The following HUNK variants were observed in gnomAD, a reference collection of about 807,000 sequenced individuals.
HUNK encodes the protein hormonally up-regulated neu tumor-associated kinase.
HUNK carries 21 observed loss-of-function variants against 61.0 expected under a neutral mutation model. The observed-to-expected ratio is 0.34, with a 90% CI of 0.24 to 0.50. HUNK has a LOEUF of 0.50. Ranked by LOEUF, HUNK falls within the 20% of genes least tolerant of loss-of-function variation. The pLI is 0.98. For missense variants in HUNK, 772 were observed against 945.7 expected (o/e 0.82, Z 2.41); for synonymous variants, 371 against 386.1 (o/e 0.96, Z 0.46).
intron 9 of HUNK, among the ~76,000 whole-genome samples, chr21:31,992,957 C>A (rs1052972920): frequency 1.3e-5 from 2 of 152,122 alleles, no homozygotes; most frequent in African/African-American, 2.4e-5. Flanking sequence ...TCCTTAGACA[C>A]CAGTTACTAT....
At position 31,987,367 on chromosome 21, in the gene HUNK, A is replaced by T. The variant is rs73354673; in HGVS notation, c.1258-2762A>T. On this transcript the variant is annotated intron_variant, in intron 8 of 10. Coordinates refer to ENST00000270112, the MANE Select transcript of HUNK (RefSeq NM_014586.2). Reference sequence around the variant, plus strand: ...CGTGCTTTGCATGTCACTCATGAGGACCTCAAATAACAATGCAAACTTAGG... The same window carrying T: ...CGTGCTTTGCATGTCACTCATGAGGTCCTCAAATAACAATGCAAACTTAGG... 9.7e-3 allele frequency among the ~76,000 whole-genome samples: 1,482 copies of T among 152,260 alleles called. 27 individuals carry two copies. Among genetic ancestry groups the T allele is most frequent in the African/African-American group, 0.032 (1,328 of 41,524 alleles).
At chr21:31,982,822 GAGAC>G (rs1268965787) in intron 7 of HUNK, among the ~76,000 whole-genome samples, 2 of 151,844 alleles carry the variant, frequency 1.3e-5, no homozygotes, top group African/African-American at 2.4e-5. Context: ...ATTTTTTTGA[GAGAC>G]AGAGTCTCAC....
chr21:31,909,947 C>T (rs566760098), intron 1 of HUNK, among the ~76,000 whole-genome samples: 2 of 152,300 alleles, frequency 1.3e-5, no homozygotes, highest in African/African-American at 2.4e-5. Flanking sequence ...GGGCTGGAGC[C>T]GGGAGCCGGG....
intron 10 of HUNK, among the ~76,000 whole-genome samples, chr21:31,997,575 G>A (rs900256150): frequency 3.9e-5 from 6 of 152,158 alleles, no homozygotes; most frequent in African/African-American, 1.4e-4. Context: ...GGTTGCTGGG[G>A]GTTTCAGAGA....
intron 4 of HUNK, among the ~76,000 whole-genome samples, chr21:31,949,315 C>T (rs1414549058): frequency 6.6e-6 from 1 of 152,152 alleles, no homozygotes; most frequent in Non-Finnish European, 1.5e-5. Flanking sequence ...ATAGACTTCA[C>T]TTCTGAGAAG....
chr21:31,990,142 C>G lies in HUNK; in HGVS notation c.1271C>G (p.Thr424Ser). The change falls in exon 9 of 11, where the codon ACC becomes AGC. Residue 424 changes from threonine (T) to serine (S), a missense_variant. Coordinates refer to ENST00000270112, the MANE Select transcript of HUNK (RefSeq NM_014586.2). ...PKESYEASLD[T>S]WTRDLEFHAV... ...TCCTTTTCACAGGCCTCTCTGGACA[C>G]CTGGACACGAGATCTTGAATTCCAT... 1.9e-6 allele frequency: 3 copies of G among 1,613,950 alleles called. No individual in the cohort carries two copies. The South Asian group carries it at 3.3e-5, about 18-fold the overall frequency.
intron 4 of HUNK, among the ~76,000 whole-genome samples, chr21:31,951,809 TA>T (rs1332539900): frequency 2.6e-5 from 4 of 152,196 alleles, no homozygotes; most frequent in African/African-American, 9.7e-5. Context: ...CAGTGTTTTG[TA>T]AAAGTACTAC....
In HUNK at chr21:31,873,461, G is replaced by A; in HGVS notation, c.-214G>A. 1 of 191,222 alleles carries A rather than the reference G, an allele frequency of 5.2e-6. No homozygotes were observed. Among genetic ancestry groups the A allele is most frequent in the East Asian group, 1.9e-4 (1 of 5,270 alleles). 11.8% of individuals were successfully genotyped at this position (191,222 alleles called of 1,614,324 possible). Reference sequence around the variant, plus strand: ...AGAACTTTTGGGGGCGGGGTCCCCGGTCCCGCGTCCCCTGGGCAGCCGCTA... The same window carrying A: ...AGAACTTTTGGGGGCGGGGTCCCCGATCCCGCGTCCCCTGGGCAGCCGCTA... On this transcript the variant is annotated 5_prime_UTR_variant, in exon 1 of 11. Coordinates refer to ENST00000270112, the MANE Select transcript of HUNK (RefSeq NM_014586.2). This position sits in a 1 kb window ranked among gnomAD's most constrained non-coding sequence, Gnocchi z 6.1.
Position 31,924,404 on chromosome 21 carries a change from G to A in HUNK, c.262-64G>A. 1 of 1,488,428 alleles carries A rather than the reference G, an allele frequency of 6.7e-7. No homozygotes were observed. The highest frequency in any genetic ancestry group is 9.1e-7 in the Non-Finnish European group (1 of 1,099,152). 92.2% of individuals were successfully genotyped at this position (1,488,428 alleles called of 1,614,324 possible). On this transcript the variant is annotated intron_variant, in intron 1 of 10. Coordinates refer to ENST00000270112, the MANE Select transcript of HUNK (RefSeq NM_014586.2). The surrounding 1 kb of genome is among the most constrained non-coding windows in gnomAD (Gnocchi z 5.1). ...TAGCATTTTTCTTGGGTTCCTGTGAGTAGCCAAGGCATCGCTATTGTCTGT... is the reference window on the plus strand; with the variant it reads ...TAGCATTTTTCTTGGGTTCCTGTGAATAGCCAAGGCATCGCTATTGTCTGT...
intron 7 of HUNK, among the ~76,000 whole-genome samples, chr21:31,978,236 A>C (rs2053064649): frequency 6.6e-6 from 1 of 152,232 alleles, no homozygotes; most frequent in Admixed American, 6.5e-5. Context: ...ATCCTGTACA[A>C]CATGATGCTT....
intron 7 of HUNK, among the ~76,000 whole-genome samples, chr21:31,976,839 C>T (rs551915993): frequency 1.3e-5 from 2 of 151,060 alleles, no homozygotes; most frequent in Non-Finnish European, 2.9e-5. Context: ...GGCATGATCT[C>T]GGCTCACTGC....
intron 1 of HUNK, among the ~76,000 whole-genome samples, chr21:31,880,213 T>C (rs1400399792): frequency 6.6e-6 from 1 of 152,108 alleles, no homozygotes; most frequent in African/African-American, 2.4e-5. Flanking sequence ...GTGGAGGGGG[T>C]AACAGCCAGC....
intron 1 of HUNK, among the ~76,000 whole-genome samples, chr21:31,922,925 C>T (rs1192173983): frequency 2.6e-5 from 4 of 152,180 alleles, no homozygotes; most frequent in Non-Finnish European, 5.9e-5. Context: ...TGACTTCATC[C>T]TGCACCCGGA....
intron 8 of HUNK, 90 bp downstream of exon 8, chr21:31,983,699 A>G (rs2053114019): frequency 2.3e-6 from 2 of 884,990 alleles, no homozygotes; most frequent in East Asian, 4.8e-5. Flanking sequence ...TTACTGTGGG[A>G]CACTGAAGTA....
chr21:31,963,762 G>A (rs1044330434), intron 5 of HUNK, among the ~76,000 whole-genome samples: 7 of 151,926 alleles, frequency 4.6e-5, no homozygotes, highest in Non-Finnish European at 8.8e-5. Context: ...CTCCTGCGTC[G>A]GACTCTCAAA....
At chr21:31,949,586 C>T (rs1221268539) in intron 4 of HUNK, among the ~76,000 whole-genome samples, 1 of 152,132 alleles carries the variant, frequency 6.6e-6, no homozygotes, top group African/African-American at 2.4e-5. Flanking sequence ...CACACACACA[C>T]ACACACACGC....
chr21:31,917,884 A>T (rs2052596868), intron 1 of HUNK, among the ~76,000 whole-genome samples: 1 of 152,300 alleles, frequency 6.6e-6, no homozygotes, highest in South Asian at 2.1e-4. Context: ...GTTGCCTGGA[A>T]CATGCTAAAC....
chr21:31,999,498 C>T lies in HUNK; in HGVS notation c.*314C>T, dbSNP rs2053232010. The T allele has an allele frequency of 2.9e-6, 1 of 342,560 alleles. No individual in the cohort carries two copies. The highest frequency in any genetic ancestry group is 5.3e-6 in the Non-Finnish European group (1 of 188,548). The allele number at this position is 342,560 out of a possible 1,614,324, so 21.2% of individuals were successfully genotyped here. ...GGGGGGAAAACAGGGCATGAGCCTT[C>T]TGGGGCACTCAGATTATGGACTGTT... On this transcript the variant is annotated 3_prime_UTR_variant, in exon 11 of 11. Transcript: ENST00000270112.
chr21:31,971,814 C>T (rs2053013027), intron 6 of HUNK, among the ~76,000 whole-genome samples: 1 of 147,740 alleles, frequency 6.8e-6, no homozygotes, highest in Non-Finnish European at 1.5e-5. Context: ...AGCTCCCCTC[C>T]TGATCCAGGT....
Sources: gnomAD v4.1 joint callset for allele counts (sites outside exome capture counted in the v4.1 genomes callset) on GRCh38, gnomAD v4.1.1 for gene constraint, Gnocchi (gnomAD v3.1) non-coding constraint, MANE v1.5 for transcripts, NCBI Gene and HGNC (gene_info 2026-07-23, HGNC 2026-07-21) for gene names.